Variants in PTPN23 observed in about 807,000 individuals in gnomAD.
PTPN23 encodes tyrosine-protein phosphatase non-receptor type 23.
Under a neutral mutation model 156.3 loss-of-function variants are expected in PTPN23, and 72 were observed. That is an observed-to-expected ratio of 0.46 (90% confidence interval 0.38 to 0.56). PTPN23 has a LOEUF of 0.56. Ranked by LOEUF, PTPN23 falls within the 20% of genes least tolerant of loss-of-function variation. The pLI is 0.00. For synonymous variants in PTPN23, 957 were observed against 899.6 expected (o/e 1.06, Z -1.14); for missense variants, 1,974 against 2,171.5 (o/e 0.91, Z 1.81).
chr3:47,385,904 T>A (rs903295735), intron 1 of PTPN23, among the ~76,000 whole-genome samples: 1 of 152,188 alleles, frequency 6.6e-6, no homozygotes, highest in Non-Finnish European at 1.5e-5. Flanking sequence ...CCTGTCTCTC[T>A]AACTTCACTC....
In PTPN23 at chr3:47,406,233, G is replaced by A. The variant is rs1705119888; in HGVS notation, c.547-92G>A. ...GCTGGGGGAGAGGGCAGTGAAGAGG[G>A]ATCCCTCAGTCTGCCCCTGGGGAAG... On this transcript the variant is annotated intron_variant, in intron 6 of 24. Coordinates refer to ENST00000265562, the MANE Select transcript of PTPN23 (RefSeq NM_015466.4). The surrounding 1 kb of genome is among the most constrained non-coding windows in gnomAD (Gnocchi z 5.8). 2 of 1,505,802 alleles carry A rather than the reference G, an allele frequency of 1.3e-6. No individual in the cohort carries two copies. Among genetic ancestry groups the A allele is most frequent in the African/African-American group, 2.8e-5 (2 of 72,448 alleles). The allele number at this position is 1,505,802 out of a possible 1,614,324, so 93.3% of individuals were successfully genotyped here.
Position 47,405,683 on chromosome 3 carries a change from C to G in PTPN23, c.365-66C>G, listed in dbSNP as rs374038584. 3.8e-5 allele frequency: 57 copies of G among 1,512,854 alleles called. No individual in the cohort carries two copies. The East Asian group carries it at 7.0e-4, about 18-fold the overall frequency. 93.7% of individuals were successfully genotyped at this position (1,512,854 alleles called of 1,614,324 possible). On this transcript the variant is annotated intron_variant, in intron 4 of 24. Coordinates refer to ENST00000265562, the MANE Select transcript of PTPN23 (RefSeq NM_015466.4). This position sits in a 1 kb window ranked among gnomAD's most constrained non-coding sequence, Gnocchi z 4.7. Reference sequence around the variant, plus strand: ...TGATTGTGGATAACAGCAGTGCCCCCTCTGTCTCACCTTCACATGGGTGTG... The same window carrying G: ...TGATTGTGGATAACAGCAGTGCCCCGTCTGTCTCACCTTCACATGGGTGTG...
intron 24 of PTPN23, 31 bp from the exon 25 acceptor site, chr3:47,412,675 C>A: frequency 6.2e-7 from 1 of 1,600,468 alleles, no homozygotes; most frequent in South Asian, 1.1e-5. Flanking sequence ...AGCCTTGGGA[C>A]TCCCTCTCCT....
chr3:47,387,374 C>A (rs1329560519), intron 1 of PTPN23, among the ~76,000 whole-genome samples: 1 of 134,382 alleles, frequency 7.4e-6, no homozygotes, highest in East Asian at 2.1e-4. Context: ...TGAGACTAAC[C>A]TGGGCAACAA....
In PTPN23 at chr3:47,406,038, C is replaced by G; in HGVS notation, c.538C>G (p.Leu180Val). Residue 180 changes from leucine (L) to valine (V), a missense_variant, in exon 6 of 25, where the codon CTC becomes GTC. Around this residue, in one of 4 missense-constraint regions of PTPN23, gnomAD observed 726 missense variants for 929.5 expected, o/e 0.78. Transcript: ENST00000265562. This position sits in a 1 kb window ranked among gnomAD's most constrained non-coding sequence, Gnocchi z 5.8. ...SRQILTLNVN[L>V]MLGQAQECLL... ...CCAGATCCTTACGCTCAACGTCAAC[C>G]TCATGCTGGTGAGGAGGCGCCCTGG... The G allele has an allele frequency of 1.2e-6, 2 of 1,612,562 alleles. No homozygotes were observed. Among genetic ancestry groups the G allele is most frequent in the Non-Finnish European group, 1.7e-6 (2 of 1,179,542 alleles).
In PTPN23 at chr3:47,381,021, G is replaced by T; in HGVS notation, c.-76G>T. The T allele has an allele frequency of 1.9e-6, 3 of 1,545,142 alleles. No individual in the cohort carries two copies. Among genetic ancestry groups the T allele is most frequent in the Non-Finnish European group, 1.7e-6 (2 of 1,143,846 alleles). On this transcript the variant is annotated 5_prime_UTR_variant, in exon 1 of 25. Transcript: ENST00000265562. ...CCAGTGACTTCCGGCACGAAGGGGC[G>T]GGGCTGGGCTCGTGGCTGAGCCAGC... is the stretch of plus-strand genomic sequence containing the variant.
At position 47,410,137 on chromosome 3, in the gene PTPN23, C is replaced by A; in HGVS notation, c.2339C>A (p.Thr780Lys). Residue 780 changes from threonine (T) to lysine (K), a missense_variant, in exon 20 of 25, where the codon ACA becomes AAA. Around this residue, in one of 4 missense-constraint regions of PTPN23, gnomAD observed 731 missense variants for 669.1 expected, o/e 1.09. Transcript: ENST00000265562. ...CCTCCCAGCCCCTTCCCCAGCTCCA[C>A]AGGCCCAGGACCCCACTATCTCTCA... Reference protein sequence around the residue: ...HFPPSPFPSSTGPGPHYLSGP... With the variant: ...HFPPSPFPSSKGPGPHYLSGP... 6.3e-7 allele frequency: 1 copy of A among 1,594,556 alleles called. No individual in the cohort carries two copies. The highest frequency in any genetic ancestry group is 8.5e-7 in the Non-Finnish European group (1 of 1,170,030).
At chr3:47,389,727 C>G (rs989947684) in intron 1 of PTPN23, among the ~76,000 whole-genome samples, 6 of 151,612 alleles carry the variant, frequency 4.0e-5, no homozygotes, top group African/African-American at 1.5e-4. Context: ...GTAGTCCCAG[C>G]TGCTCAGGAG....
intron 2 of PTPN23, among the ~76,000 whole-genome samples, chr3:47,401,637 G>T (rs953046255): frequency 3.3e-5 from 5 of 152,208 alleles, no homozygotes; most frequent in African/African-American, 1.2e-4. Flanking sequence ...AAAATGGATT[G>T]TTTAAAGAAA....
Position 47,406,275 on chromosome 3 carries a change from A to T in PTPN23, c.547-50A>T, listed in dbSNP as rs1331365704. 1.9e-6 allele frequency: 3 copies of T among 1,598,898 alleles called. No individual in the cohort carries two copies. Among genetic ancestry groups the T allele is most frequent in the East Asian group, 4.5e-5 (2 of 44,648 alleles). Reference sequence around the variant, plus strand: ...CTGGGGAAGGATAAAGGGAAGGGGAAGCGGGAGGCCTTGGGTGAGCGAGGG... The same window carrying T: ...CTGGGGAAGGATAAAGGGAAGGGGATGCGGGAGGCCTTGGGTGAGCGAGGG... On this transcript the variant is annotated intron_variant, in intron 6 of 24. Transcript: ENST00000265562. The surrounding 1 kb of genome is among the most constrained non-coding windows in gnomAD (Gnocchi z 5.8).
In PTPN23 at chr3:47,407,428, G is replaced by C. The variant is rs1705154453; in HGVS notation, c.923+61G>C. The C allele has an allele frequency of 2.5e-6, 4 of 1,609,114 alleles. No individual in the cohort carries two copies. Among genetic ancestry groups the C allele is most frequent in the African/African-American group, 1.3e-5 (1 of 74,912 alleles). On this transcript the variant is annotated intron_variant, in intron 11 of 24. Coordinates refer to ENST00000265562, the MANE Select transcript of PTPN23 (RefSeq NM_015466.4). The surrounding 1 kb of genome is among the most constrained non-coding windows in gnomAD (Gnocchi z 4.0). The stretch of plus-strand genomic sequence containing the variant: ...TGTGAAGGGTCTTGTCCCTCTGCTG[G>C]CATCTACATGGGAAGTAGGTTCTGG...
At chr3:47,385,158 G>A (rs1248105538) in intron 1 of PTPN23, among the ~76,000 whole-genome samples, 1 of 152,216 alleles carries the variant, frequency 6.6e-6, no homozygotes, top group African/African-American at 2.4e-5. Flanking sequence ...GGAAACTGAT[G>A]ATGGATGACT....
chr3:47,406,778 G>C lies in PTPN23; in HGVS notation c.807+28G>C, dbSNP rs1407606815. 6.2e-7 allele frequency: 1 copy of C among 1,612,770 alleles called. No individual in the cohort carries two copies. The highest frequency in any genetic ancestry group is 1.1e-5 in the South Asian group (1 of 90,956). Reference sequence around the variant, plus strand: ...GAGCTACAGCGAGGAGGGGACTGGGGACCAATGGCAGCCTTCAGTGAGATG... The same window carrying C: ...GAGCTACAGCGAGGAGGGGACTGGGCACCAATGGCAGCCTTCAGTGAGATG... On this transcript the variant is annotated intron_variant, in intron 9 of 24. Transcript: ENST00000265562. This position sits in a 1 kb window ranked among gnomAD's most constrained non-coding sequence, Gnocchi z 5.8.
Position 47,406,411 on chromosome 3 carries a change from G to A in PTPN23, c.627+6G>A, listed in dbSNP as rs1705124519. On this transcript the variant is annotated splice_donor_region_variant and intron_variant, in intron 7 of 24. Coordinates refer to ENST00000265562, the MANE Select transcript of PTPN23 (RefSeq NM_015466.4). This position sits in a 1 kb window ranked among gnomAD's most constrained non-coding sequence, Gnocchi z 5.8. ...TGGCCCGCATCAGTGCACAGGTAGGGACGGGGCTGAGGGGAGGCCTTCACT... is the reference window on the plus strand; with the variant it reads ...TGGCCCGCATCAGTGCACAGGTAGGAACGGGGCTGAGGGGAGGCCTTCACT... 6.2e-7 allele frequency: 1 copy of A among 1,614,024 alleles called. No individual in the cohort carries two copies. The highest frequency in any genetic ancestry group is 8.5e-7 in the Non-Finnish European group (1 of 1,180,022).
chr3:47,392,199 T>G (rs766334838), intron 1 of PTPN23, among the ~76,000 whole-genome samples: 8 of 152,134 alleles, frequency 5.3e-5, no homozygotes, highest in Non-Finnish European at 1.2e-4. Flanking sequence ...TTTTATTTTT[T>G]AATACAGACA....
Position 47,413,326 on chromosome 3 carries a change from C to T in PTPN23, c.*141C>T. ...TGGCCCTGCCTGGCCCAGCCTGCAC[C>T]CCTGTGGGGTGGAAATGTACTGCAG... On this transcript the variant is annotated 3_prime_UTR_variant, in exon 25 of 25. Coordinates refer to ENST00000265562, the MANE Select transcript of PTPN23 (RefSeq NM_015466.4). The T allele has an allele frequency of 8.2e-7, 1 of 1,225,868 alleles. No homozygotes were observed. The allele number at this position is 1,225,868 out of a possible 1,614,324, so 75.9% of individuals were successfully genotyped here. A position where few individuals can be genotyped will look rare whatever the true frequency, so the allele number is the denominator to read the frequency against.
Position 47,406,137 on chromosome 3 carries a change from A to G in PTPN23, c.546+91A>G. On this transcript the variant is annotated intron_variant, in intron 6 of 24. Coordinates refer to ENST00000265562, the MANE Select transcript of PTPN23 (RefSeq NM_015466.4). The surrounding 1 kb of genome is among the most constrained non-coding windows in gnomAD (Gnocchi z 5.8). ...TTGGGCCTGGATCCTGGACCAAGGC[A>G]GTGAGGGACAAGCAAGGGGCCTTGG... 1 of 1,540,066 alleles carries G rather than the reference A, an allele frequency of 6.5e-7. No homozygotes were observed. Among genetic ancestry groups the G allele is most frequent in the East Asian group, 2.4e-5 (1 of 42,350 alleles).
intron 1 of PTPN23, among the ~76,000 whole-genome samples, chr3:47,382,690 T>C (rs998055363): frequency 3.9e-5 from 4 of 102,742 alleles, no homozygotes; most frequent in African/African-American, 1.4e-4. Context: ...CTTTTTTTTT[T>C]TTTTTTTTTT....
intron 2 of PTPN23, 99 bp downstream of exon 2, chr3:47,396,316 T>G: frequency 4.2e-6 from 4 of 945,776 alleles, no homozygotes; most frequent in Non-Finnish European, 4.7e-6. Context: ...GCTCAACGCC[T>G]ATAATCCCAC....
Sources: allele counts gnomAD v4.1 joint callset (sites outside exome capture counted in the v4.1 genomes callset), GRCh38; gene constraint gnomAD v4.1.1; regional missense constraint gnomAD v4.1.1; non-coding constraint Gnocchi (gnomAD v3.1); transcripts MANE v1.5; gene names NCBI Gene and HGNC (gene_info 2026-07-23, HGNC 2026-07-21).